CRAT: variants seen among roughly 807,000 people sequenced by gnomAD.
CRAT encodes carnitine acetylase.
CRAT carries 66 observed loss-of-function variants against 73.7 expected under a neutral mutation model. The observed-to-expected ratio is 0.90, with a 90% confidence interval of 0.73 to 1.10. The LOEUF (loss-of-function observed/expected upper bound fraction) is 1.10, where lower values mean the gene tolerates loss of function less well. Among genes scored for constraint, CRAT ranks in the 50% least tolerant of loss-of-function variants. The pLI, the probability that CRAT is intolerant of heterozygous loss-of-function variation, is 0.00. For missense variants in CRAT, 745 were observed against 846.9 expected (o/e 0.88, Z 1.49); for synonymous variants, 321 against 343.2 (o/e 0.94, Z 0.71).
chr9:129,109,973 G>A (rs1021037428), intron 1 of CRAT, among the ~76,000 whole-genome samples: 8 of 152,006 alleles, frequency 5.3e-5, no homozygotes, highest in Non-Finnish European at 1.2e-4. Context: ...GAGACCATGG[G>A]GCTGCCACCT....
In CRAT at chr9:129,103,947, G is replaced by A. The variant is rs560749372; in HGVS notation, c.410+241C>T. Among the ~76,000 whole-genome samples the A allele has an allele frequency of 6.6e-6, 1 of 152,260 alleles. No individual in the cohort carries two copies. Among genetic ancestry groups the A allele is most frequent in the South Asian group, 2.1e-4 (1 of 4,822 alleles). ...ATGGGGCCTCTGCGAAGATGTGGTG[G>A]TTAACAGCCATGAGGCTTTAGAGCT... On this transcript the variant is annotated intron_variant, in intron 3 of 13. Coordinates refer to ENST00000318080, the MANE Select transcript of CRAT (RefSeq NM_000755.5). The surrounding 1 kb of genome is among the most constrained non-coding windows in gnomAD (Gnocchi z 4.6).
At position 129,104,289 on chromosome 9, in the gene CRAT, G is replaced by C. The variant is rs763904652; in HGVS notation, c.309C>G (p.Leu103=). The C allele has an allele frequency of 2.5e-6, 4 of 1,613,312 alleles. No homozygotes were observed. Among genetic ancestry groups the C allele is most frequent in the Non-Finnish European group, 3.4e-6 (4 of 1,179,706 alleles). The change falls in exon 3 of 14, where the codon CTC becomes CTG. Residue 103 remains leucine (L), a synonymous_variant. Coordinates refer to ENST00000318080, the MANE Select transcript of CRAT (RefSeq NM_000755.5). The part of the protein sequence containing the change: ...KTENWLSEWW[L]KTAYLQYRQP... The stretch of plus-strand genomic sequence containing the variant: ...GGCGGTACTGGAGGTAGGCGGTCTT[G>C]AGCCACCACTCAGACAGCTGGGAAA...
Position 129,102,926 on chromosome 9 carries a change from G to A in CRAT, c.464+87C>T, listed in dbSNP as rs1192572891. 2.4e-6 allele frequency: 3 copies of A among 1,272,446 alleles called. No individual in the cohort carries two copies. The African/African-American group carries it at 4.4e-5, about 19-fold the overall frequency. The allele number at this position is 1,272,446 out of a possible 1,614,324, so 78.8% of individuals were successfully genotyped here. ...CAGGGCCCAGGGCCCAAGCTGGCAT[G>A]CCGGGCCAGGGCTGGGGTCAGAGGT... On this transcript the variant is annotated intron_variant, in intron 4 of 13. Coordinates refer to ENST00000318080, the MANE Select transcript of CRAT (RefSeq NM_000755.5).
Position 129,101,852 on chromosome 9 carries a change from G to A in CRAT, c.805+31C>T, listed in dbSNP as rs749949634. On this transcript the variant is annotated intron_variant, in intron 6 of 13. Coordinates refer to ENST00000318080, the MANE Select transcript of CRAT (RefSeq NM_000755.5). The stretch of plus-strand genomic sequence containing the variant: ...CCCCAACAGGGGAAGAGGCCTGGGT[G>A]TGCAGCCCCAGCACGGCCCCCAAGA... 6 of 1,606,642 alleles carry A rather than the reference G, an allele frequency of 3.7e-6. No homozygotes were observed. The Middle Eastern group carries it at 5.7e-4, about 153-fold the overall frequency.
intron 8 of CRAT, 31 bp from the exon 9 acceptor site, chr9:129,098,681 C>T: frequency 6.3e-7 from 1 of 1,586,948 alleles, no homozygotes. Flanking sequence ...CAGGCTCATG[C>T]TGGTGCCTCT....
At chr9:129,108,882 C>T in intron 1 of CRAT, 1 of 1,298,916 alleles carries the variant, frequency 7.7e-7, no homozygotes, top group East Asian at 5.6e-5. Flanking sequence ...AGAACCTAGC[C>T]AGAGGCAGCC....
At chr9:129,104,109 C>G in intron 3 of CRAT, 79 bp downstream of exon 3, 1 of 994,696 alleles carries the variant, frequency 1.0e-6, no homozygotes, top group African/African-American at 1.6e-5. Flanking sequence ...TAAACAGGGT[C>G]GGGGCCCCTC....
chr9:129,110,713 G>T lies in CRAT; in HGVS notation c.-204C>A. The T allele has an allele frequency of 1.6e-6, 1 of 642,894 alleles. No individual in the cohort carries two copies. The highest frequency in any genetic ancestry group is 2.4e-6 in the Non-Finnish European group (1 of 409,036). 39.8% of individuals were successfully genotyped at this position (642,894 alleles called of 1,614,324 possible). On this transcript the variant is annotated 5_prime_UTR_variant, in exon 1 of 14. Transcript: ENST00000318080. The surrounding 1 kb of genome is among the most constrained non-coding windows in gnomAD (Gnocchi z 5.3). ...GCTGCGGGAAGGCACCCGGGGAGGAGGACTCGCGAGGCGGGGCCTGGGCCG... is the reference window on the plus strand; with the variant it reads ...GCTGCGGGAAGGCACCCGGGGAGGATGACTCGCGAGGCGGGGCCTGGGCCG...
At chr9:129,098,754 A>G in intron 8 of CRAT, 104 bp from the exon 9 acceptor site, 2 of 1,376,198 alleles carry the variant, frequency 1.5e-6, no homozygotes, top group Non-Finnish European at 1.9e-6. Context: ...GGAGGGGGCC[A>G]GCCCAGGGAG....
chr9:129,098,323 T>C lies in CRAT; in HGVS notation c.1254A>G (p.Gly418=). ...DITVMVFHHF[G]KDFPKSEKLS... is the part of the protein sequence containing the mutation. The stretch of plus-strand genomic sequence containing the variant: ...GCTTCTCCGACTTGGGGAAGTCTTT[T>C]CCAAAATGGTGGAACACCATCACGG... Residue 418 remains glycine, a synonymous_variant, in exon 10 of 14, where the codon GGA becomes GGG. Coordinates refer to ENST00000318080, the MANE Select transcript of CRAT (RefSeq NM_000755.5). 6.2e-7 allele frequency: 1 copy of C among 1,614,014 alleles called. No homozygotes were observed. Among genetic ancestry groups the C allele is most frequent in the South Asian group, 1.1e-5 (1 of 91,084 alleles).
At chr9:129,100,306 T>C in intron 7 of CRAT, 1 of 631,280 alleles carries the variant, frequency 1.6e-6, no homozygotes, top group Non-Finnish European at 2.7e-6. Flanking sequence ...GTGCTGGGGG[T>C]GACAGCGGTT....
chr9:129,103,259 G>A lies in CRAT; in HGVS notation c.411-193C>T, dbSNP rs1313139701. On this transcript the variant is annotated intron_variant, in intron 3 of 13. Transcript: ENST00000318080. The surrounding 1 kb of genome is among the most constrained non-coding windows in gnomAD (Gnocchi z 4.6). Reference sequence around the variant, plus strand: ...TGTGTGTGCTTCTTCATAACCTCTAGAGGGAGCATGGTCGGGAGGGCTCGG... The same window carrying A: ...TGTGTGTGCTTCTTCATAACCTCTAAAGGGAGCATGGTCGGGAGGGCTCGG... Among the ~76,000 whole-genome samples the A allele has an allele frequency of 6.6e-6, 1 of 152,166 alleles. No individual in the cohort carries two copies. Among genetic ancestry groups the A allele is most frequent in the Non-Finnish European group, 1.5e-5 (1 of 68,028 alleles).
chr9:129,100,105 T>A (rs1467270579), intron 7 of CRAT, 139 bp from the exon 8 acceptor site: 2 of 628,814 alleles, frequency 3.2e-6, no homozygotes, highest in African/African-American at 1.8e-5. Context: ...TTATTAACAA[T>A]AGCTGACACT....
rs1355114509 is a variant in CRAT at position 129,103,232 on chromosome 9, C to G, written c.411-166G>C. On this transcript the variant is annotated intron_variant, in intron 3 of 13. Coordinates refer to ENST00000318080, the MANE Select transcript of CRAT (RefSeq NM_000755.5). The surrounding 1 kb of genome is among the most constrained non-coding windows in gnomAD (Gnocchi z 4.6). ...GGGCCTGCGAGTCCCAGCTTGCCAG[C>G]CTGTGTGTGCTTCTTCATAACCTCT... 6.6e-6 allele frequency among the ~76,000 whole-genome samples: 1 copy of G among 152,088 alleles called. No homozygotes were observed. The highest frequency in any genetic ancestry group is 1.5e-5 in the Non-Finnish European group (1 of 68,006).
At chr9:129,097,459 A>T in intron 11 of CRAT, 147 bp from the exon 12 acceptor site, 2 of 576,264 alleles carry the variant, frequency 3.5e-6, no homozygotes. Flanking sequence ...CTGTAATCCC[A>T]GCACTTTGGG....
chr9:129,101,532 C>A (rs752466678), intron 6 of CRAT, among the ~76,000 whole-genome samples: 3 of 152,222 alleles, frequency 2.0e-5, no homozygotes, highest in African/African-American at 7.2e-5. Context: ...AGCTACTCTC[C>A]GATAAGTTAA....
Position 129,107,718 on chromosome 9 carries a change from T to C in CRAT, c.291+96A>G. On this transcript the variant is annotated intron_variant, in intron 2 of 13. Coordinates refer to ENST00000318080, the MANE Select transcript of CRAT (RefSeq NM_000755.5). This position sits in a 1 kb window ranked among gnomAD's most constrained non-coding sequence, Gnocchi z 5.0. The stretch of plus-strand genomic sequence containing the variant: ...CACAGAGTATGTGCTCACGAAACTC[T>C]GGGCAGCAAACGAACGGCCGTGCCA... 1.9e-6 allele frequency: 3 copies of C among 1,577,362 alleles called. No individual in the cohort carries two copies. Among genetic ancestry groups the C allele is most frequent in the African/African-American group, 1.4e-5 (1 of 74,002 alleles).
Position 129,110,568 on chromosome 9 carries a change from G to GCGC in CRAT, c.-62_-60dup, listed in dbSNP as rs11278777. On this transcript the variant is annotated 5_prime_UTR_variant, in exon 1 of 14. Coordinates refer to ENST00000318080, the MANE Select transcript of CRAT (RefSeq NM_000755.5). The surrounding 1 kb of genome is among the most constrained non-coding windows in gnomAD (Gnocchi z 5.3). ...CCGCCCCACACACCGGGCAAAGTCC[G>GCGC]CGCCGCCGCCGCCGCGGCTGGGGTC... The GCGC allele has an allele frequency of 9.3e-6, 14 of 1,508,058 alleles. No homozygotes were observed. The highest frequency in any genetic ancestry group is 6.4e-5 in the Admixed American group (3 of 47,120). 93.4% of individuals were successfully genotyped at this position (1,508,058 alleles called of 1,614,324 possible). A position where few individuals can be genotyped will look rare whatever the true frequency, so the allele number is the denominator to read the frequency against.
intron 2 of CRAT, among the ~76,000 whole-genome samples, chr9:129,104,576 G>A (rs1022170475): frequency 3.3e-5 from 5 of 150,658 alleles, no homozygotes; most frequent in African/African-American, 1.2e-4. Context: ...GGAAACCCGG[G>A]GTGTGGGGAG....
Sources: allele counts gnomAD v4.1 joint callset (sites outside exome capture counted in the v4.1 genomes callset), GRCh38; gene constraint gnomAD v4.1.1; non-coding constraint Gnocchi (gnomAD v3.1); transcripts MANE v1.5; gene names NCBI Gene and HGNC (gene_info 2026-07-23, HGNC 2026-07-21).